The following LPA variants were observed in gnomAD, a reference collection of about 807,000 sequenced individuals.
LPA encodes the protein apolipoprotein(a).
LPA carries 199 observed loss-of-function variants against 197.9 expected under a neutral mutation model. That is an observed-to-expected ratio of 1.01 (90% CI 0.90 to 1.13). The LOEUF (loss-of-function observed/expected upper bound fraction) is 1.13, where lower values mean the gene tolerates loss of function less well. LPA is among the 50% of genes most tolerant of loss of function. LPA has a pLI of 0.00. For synonymous variants in LPA, 715 were observed against 639.5 expected (o/e 1.12, Z -1.78); for missense variants, 1,853 against 1,785.8 (o/e 1.04, Z -0.68).
chr6:160,599,416 T>G (rs1779194607), intron 20 of LPA, 84 bp downstream of exon 20: 3 of 1,580,568 alleles, frequency 1.9e-6, no homozygotes, highest in Non-Finnish European at 1.7e-6. Context: ...AGTTGAGTCC[T>G]GAGCAGTCAC....
chr6:160,549,046 T>C (rs985337256), intron 30 of LPA, among the ~76,000 whole-genome samples: 3 of 152,094 alleles, frequency 2.0e-5, no homozygotes, highest in South Asian at 2.1e-4. Flanking sequence ...ACAGGCACCT[T>C]CTTCACAGGC....
rs2115042882 is a variant in LPA, at chr6:160,589,730, G to T, written c.3788-18C>A. ...CGTTGGTGCTGAAATTCAAAGAGGA[G>T]AAAACAAACTGAGTAATTTCCAGAA... On this transcript the variant is annotated intron_variant, in intron 23 of 38. Transcript: ENST00000316300. 1 of 1,613,508 alleles carries T rather than the reference G, an allele frequency of 6.2e-7. No homozygotes were observed. Among genetic ancestry groups the T allele is most frequent in the Non-Finnish European group, 8.5e-7 (1 of 1,179,642 alleles).
intron 26 of LPA, among the ~76,000 whole-genome samples, chr6:160,580,161 C>G (rs953705044): frequency 6.6e-6 from 1 of 152,156 alleles, no homozygotes; most frequent in African/African-American, 2.4e-5. Context: ...TGGCTTCTTT[C>G]CTTAATATAT....
intron 1 of LPA, among the ~76,000 whole-genome samples, chr6:160,652,139 A>G (rs1173992909): frequency 6.6e-6 from 1 of 151,982 alleles, no homozygotes; most frequent in East Asian, 1.9e-4. Flanking sequence ...AAAACAAAAC[A>G]GTAGAATAGA....
chr6:160,543,232 CA>C (rs1778013964), intron 33 of LPA, among the ~76,000 whole-genome samples: 3 of 152,154 alleles, frequency 2.0e-5, no homozygotes, highest in Admixed American at 2.0e-4. Context: ...AATTTACACA[CA>C]TGTGCCTCTA....
intron 4 of LPA, among the ~76,000 whole-genome samples, chr6:160,643,083 A>AATGTGT (rs1332336973): frequency 7.6e-6 from 1 of 131,070 alleles, no homozygotes; most frequent in African/African-American, 2.8e-5. Context: ...GTGTGTTTTC[A>AATGTGT]GTGTGTGTGT....
intron 1 of LPA, among the ~76,000 whole-genome samples, chr6:160,657,312 CA>C (rs1245637248): frequency 6.6e-6 from 1 of 151,988 alleles, no homozygotes; most frequent in African/African-American, 2.4e-5. Context: ...ACTTCCTCTA[CA>C]TTAAACCAAG....
intron 22 of LPA, among the ~76,000 whole-genome samples, chr6:160,592,436 ATG>A (rs556071358): frequency 6.6e-6 from 1 of 152,120 alleles, no homozygotes; most frequent in South Asian, 2.1e-4. Flanking sequence ...CATTTCTCTC[ATG>A]GTCAGCTTTT....
At chr6:160,569,133 T>C (rs189935842) in intron 28 of LPA, among the ~76,000 whole-genome samples, 17 of 152,300 alleles carry the variant, frequency 1.1e-4, no homozygotes, top group Admixed American at 3.3e-4. Flanking sequence ...AAAAAACTAC[T>C]TTAAAGTTCA....
chr6:160,547,688 G>A (rs188065290), intron 32 of LPA, 101 bp downstream of exon 32: 36 of 1,516,518 alleles, frequency 2.4e-5, no homozygotes, highest in Admixed American at 1.5e-4. Flanking sequence ...GGCTAATTAC[G>A]CTTAGCCTCC....
chr6:160,561,378 GA>G (rs1482261069), intron 28 of LPA, among the ~76,000 whole-genome samples: 6 of 152,190 alleles, frequency 3.9e-5, no homozygotes. Flanking sequence ...AATAGTTGTA[GA>G]TGTGTGGTGT....
chr6:160,566,665 C>T (rs188550864), intron 28 of LPA, among the ~76,000 whole-genome samples: 82 of 152,240 alleles, frequency 5.4e-4, no homozygotes, highest in African/African-American at 1.8e-3. Flanking sequence ...TGTAAATGGG[C>T]TAAATGCTCC....
intron 20 of LPA, among the ~76,000 whole-genome samples, chr6:160,596,576 T>G (rs1779136792): frequency 6.6e-6 from 1 of 152,180 alleles, no homozygotes; most frequent in Non-Finnish European, 1.5e-5. Context: ...GCCCATTTTC[T>G]TAGCCATCAG....
chr6:160,605,776 G>A (rs1362011857), intron 17 of LPA, among the ~76,000 whole-genome samples: 4 of 152,144 alleles, frequency 2.6e-5, no homozygotes, highest in South Asian at 2.1e-4. Flanking sequence ...GGGTGGAGGC[G>A]AACAGCTTAC....
Position 160,590,983 on chromosome 6 carries a change from A to G in LPA, c.3748T>C (p.Ser1250Pro), listed in dbSNP as rs746534705. The change falls in exon 23 of 39, where the codon TCA becomes CCA. Residue 1250 changes from serine to proline, a missense_variant. Transcript: ENST00000316300. Reference protein sequence around the residue: ...CNLTQCPVTESSVLATSTAVS... With the variant: ...CNLTQCPVTEPSVLATSTAVS... The stretch of plus-strand genomic sequence containing the variant: ...GCCGTGGACGTCGCAAGGACACTTG[A>G]TTCTGTCACTGGACATTGTGTCAGG... The G allele has an allele frequency of 6.2e-7, 1 of 1,613,998 alleles. No individual in the cohort carries two copies. The highest frequency in any genetic ancestry group is 1.1e-5 in the South Asian group (1 of 91,084).
At chr6:160,661,417 CAT>C (rs968078414) in intron 1 of LPA, among the ~76,000 whole-genome samples, 2 of 152,258 alleles carry the variant, frequency 1.3e-5, no homozygotes, top group African/African-American at 4.8e-5. Flanking sequence ...CTGCAGAGAA[CAT>C]GTGTTTGTAT....
chr6:160,631,769 A>C, intron 8 of LPA, among the ~76,000 whole-genome samples: 1 of 151,616 alleles, frequency 6.6e-6, no homozygotes, highest in Non-Finnish European at 1.5e-5. Context: ...TTCGTAATTG[A>C]AAAGTTATCA....
chr6:160,575,372 T>C (rs1029304405), intron 28 of LPA, among the ~76,000 whole-genome samples: 1 of 152,230 alleles, frequency 6.6e-6, no homozygotes, highest in Admixed American at 6.5e-5. Flanking sequence ...TATTGAATGA[T>C]TTTTCTCCTG....
chr6:160,604,547 A>C (rs779340373), intron 18 of LPA, among the ~76,000 whole-genome samples: 47 of 152,112 alleles, frequency 3.1e-4, no homozygotes, highest in Non-Finnish European at 6.0e-4. Context: ...ATCCCTTCAG[A>C]CCACTGGTGG....
Sources: allele counts gnomAD v4.1 joint callset (sites outside exome capture counted in the v4.1 genomes callset), GRCh38; gene constraint gnomAD v4.1.1; transcripts MANE v1.5; gene names NCBI Gene and HGNC (gene_info 2026-07-23, HGNC 2026-07-21).